The following SYNE2 variants were observed in gnomAD, a reference collection of about 807,000 sequenced individuals.
SYNE2 encodes the protein spectrin repeat containing nuclear envelope protein 2.
SYNE2 carries 431 observed loss-of-function variants against 856.3 expected under a neutral mutation model. The ratio of observed to expected loss-of-function variants is 0.50; its 90% CI spans 0.47 to 0.55. The LOEUF is 0.55. SYNE2 is among the 20% of genes least tolerant of loss of function. The pLI, the probability that SYNE2 is intolerant of heterozygous loss-of-function variation, is 0.00. For synonymous variants in SYNE2, 2,923 were observed against 2,872.3 expected, an observed-to-expected ratio of 1.02 and a Z score of -0.56; for missense variants, 8,129 against 8,023.2, an observed-to-expected ratio of 1.01 and a Z score of -0.50.
intron 35 of SYNE2, 138 bp from the exon 36 acceptor site, chr14:64,021,177 T>C (rs1193890716): frequency 2.7e-6 from 2 of 736,162 alleles, no homozygotes; most frequent in Non-Finnish European, 4.7e-6. Context: ...ATCAGTGACA[T>C]AGAAAAACGT....
At chr14:64,006,967 C>T in intron 30 of SYNE2, 76 bp from the exon 31 acceptor site, 1 of 1,195,360 alleles carries the variant, frequency 8.4e-7, no homozygotes, top group South Asian at 1.2e-5. Flanking sequence ...TAGTGTGCCT[C>T]CCCAAGTTAC....
chr14:63,897,818 C>T (rs921301205), intron 1 of SYNE2, among the ~76,000 whole-genome samples: 1 of 152,190 alleles, frequency 6.6e-6, no homozygotes, highest in Non-Finnish European at 1.5e-5. Flanking sequence ...AGGAGATGAC[C>T]TCAGCTCTTA....
intron 1 of SYNE2, among the ~76,000 whole-genome samples, chr14:63,876,526 T>C (rs1164184278): frequency 2.0e-5 from 3 of 152,008 alleles, no homozygotes; most frequent in South Asian, 2.1e-4. Context: ...CTCGCTCTGT[T>C]GCCCAGGCTG....
intron 1 of SYNE2, among the ~76,000 whole-genome samples, chr14:63,781,880 T>C (rs992669168): frequency 6.6e-6 from 1 of 152,020 alleles, no homozygotes; most frequent in African/African-American, 2.4e-5. Context: ...CAGTGACTCA[T>C]ACCTGTAATC....
At chr14:64,015,484 T>C (rs1332052849) in intron 32 of SYNE2, among the ~76,000 whole-genome samples, 3 of 152,134 alleles carry the variant, frequency 2.0e-5, no homozygotes, top group Non-Finnish European at 2.9e-5. Flanking sequence ...GTAAAGTTAT[T>C]TGTAGCATTA....
chr14:63,764,973 GT>G (rs1248915423), intron 1 of SYNE2, among the ~76,000 whole-genome samples: 2 of 152,110 alleles, frequency 1.3e-5, no homozygotes, highest in African/African-American at 4.8e-5. Flanking sequence ...AAAGTGGACA[GT>G]GAAGCAACTC....
chr14:63,823,044 C>T (rs1158393507), intron 1 of SYNE2, among the ~76,000 whole-genome samples: 1 of 151,740 alleles, frequency 6.6e-6, no homozygotes, highest in Non-Finnish European at 1.5e-5. Flanking sequence ...TTCGAGGTTG[C>T]AGTGAGCTAT....
chr14:64,111,273 G>A (rs888651315), intron 65 of SYNE2, among the ~76,000 whole-genome samples: 8 of 147,488 alleles, frequency 5.4e-5, no homozygotes, highest in African/African-American at 2.7e-5. Flanking sequence ...AAGGCAGGTG[G>A]TAAATCTGTG....
chr14:63,912,078 G>T (rs768267610), intron 2 of SYNE2, among the ~76,000 whole-genome samples: 20 of 152,164 alleles, frequency 1.3e-4, no homozygotes, highest in Admixed American at 5.2e-4. Flanking sequence ...TCAAGGTGAC[G>T]CTGGGCAGTC....
At chr14:64,034,145 C>G (rs888266313) in intron 45 of SYNE2, among the ~76,000 whole-genome samples, 2 of 152,152 alleles carry the variant, frequency 1.3e-5, no homozygotes, top group Non-Finnish European at 2.9e-5. Context: ...GTGTTAATGA[C>G]TGAAGCTGGA....
rs200534777 is a variant in SYNE2, at chr14:64,041,862, A to G, written c.7222-6138A>G. ...AAGACCCTTTCTTAAAAAAAAAAAA[A>G]GAAAAAAGAAAAGAAAATAGTGAAA... On this transcript the variant is annotated intron_variant, in intron 45 of 115. Transcript: ENST00000555002. 1.8e-3 allele frequency among the ~76,000 whole-genome samples: 262 copies of G among 143,874 alleles called. 1 individual carries two copies. Among genetic ancestry groups the G allele is most frequent in the Middle Eastern group, 3.5e-3 (1 of 288 alleles). 94.4% of individuals were successfully genotyped at this position (143,874 alleles called of 152,430 possible).
At position 64,225,314 on chromosome 14, in the gene SYNE2, G is replaced by T. The variant is rs2098714348; in HGVS notation, c.20517-5G>T. On this transcript the variant is annotated splice_polypyrimidine_tract_variant and splice_region_variant and intron_variant, in intron 115 of 115. Coordinates refer to ENST00000555002, the MANE Select transcript of SYNE2 (RefSeq NM_182914.3). ...CAATCAGCTCTCAACCTCCTCTGTT[G>T]GCAGGGTCCCCGGCAGCACACGGCC... 1 of 1,613,972 alleles carries T rather than the reference G, an allele frequency of 6.2e-7. No individual in the cohort carries two copies. The highest frequency in any genetic ancestry group is 1.7e-5 in the Admixed American group (1 of 59,994).
intron 2 of SYNE2, among the ~76,000 whole-genome samples, chr14:63,929,818 G>A (rs146677185): frequency 0.016 from 2,353 of 151,662 alleles, 50 homozygotes; most frequent in African/African-American, 0.054. Context: ...TTCGACTGAA[G>A]GCATCAGGAT....
At chr14:64,169,415 C>A (rs2098399475) in intron 93 of SYNE2, among the ~76,000 whole-genome samples, 1 of 152,224 alleles carries the variant, frequency 6.6e-6, no homozygotes, top group African/African-American at 2.4e-5. Context: ...CTCCATGCTA[C>A]ATATGTGGGC....
intron 57 of SYNE2, 137 bp downstream of exon 57, chr14:64,081,717 C>G (rs2097525194): frequency 1.0e-6 from 1 of 986,520 alleles, no homozygotes; most frequent in Non-Finnish European, 1.6e-6. Context: ...CAGAAGGAAG[C>G]TTGAGAGAGT....
At chr14:63,836,107 G>A (rs144465871) in intron 1 of SYNE2, among the ~76,000 whole-genome samples, 2,901 of 152,016 alleles carry the variant, frequency 0.019, 40 homozygotes, top group Admixed American at 0.032. Context: ...ATGCAGCCTC[G>A]ACTTCCTTGG....
intron 45 of SYNE2, among the ~76,000 whole-genome samples, chr14:64,042,028 A>G (rs1301890232): frequency 6.6e-6 from 1 of 152,214 alleles, no homozygotes; most frequent in Non-Finnish European, 1.5e-5. Context: ...CCACACATGC[A>G]CAAGAAGAAT....
In SYNE2 at chr14:63,859,259, A is replaced by G. The variant is rs146557116; in HGVS notation, c.-52+6116A>G. Among the ~76,000 whole-genome samples, 498 of 152,216 alleles carry G rather than the reference A, an allele frequency of 3.3e-3. 3 individuals are homozygous for G. Among genetic ancestry groups the G allele is most frequent in the African/African-American group, 0.011 (472 of 41,538 alleles). On this transcript the variant is annotated intron_variant, in intron 1 of 115. Coordinates refer to ENST00000555002, the MANE Select transcript of SYNE2 (RefSeq NM_182914.3). Reference sequence around the variant, plus strand: ...GCTTGAGGTTTATTAATTTTATTGAACTCCATGAACCAGCTGTTGGTTTCA... The same window carrying G: ...GCTTGAGGTTTATTAATTTTATTGAGCTCCATGAACCAGCTGTTGGTTTCA...
chr14:63,886,382 G>C (rs185106502), intron 1 of SYNE2, among the ~76,000 whole-genome samples: 2 of 152,238 alleles, frequency 1.3e-5, no homozygotes, highest in Admixed American at 1.3e-4. Context: ...ATTTATATAA[G>C]ACAGGGTGAA....
Sources: allele counts gnomAD v4.1 joint callset (sites outside exome capture counted in the v4.1 genomes callset), GRCh38; gene constraint gnomAD v4.1.1; transcripts MANE v1.5; gene names NCBI Gene and HGNC (gene_info 2026-07-23, HGNC 2026-07-21).